SMG6: variants seen among roughly 807,000 people sequenced by gnomAD.
SMG6 encodes the protein telomerase-binding protein EST1A.
A neutral mutation model predicts 142.2 loss-of-function variants in SMG6; 66 were observed. The observed-to-expected ratio is 0.46, with a 90% confidence interval of 0.38 to 0.57. The LOEUF (loss-of-function observed/expected upper bound fraction) is 0.57. Among genes scored for constraint, SMG6 ranks in the 20% least tolerant of loss-of-function variants. The pLI is 0.00. For missense variants in SMG6, 1,793 were observed against 1,832.0 expected (o/e 0.98, Z 0.39); for synonymous variants, 779 against 702.4 (o/e 1.11, Z -1.72).
rs187514219 is a variant in SMG6, at chr17:2,258,142, G to A, written c.2662-13423C>T. ...TAGCACACTACTCTAAGCACTTTGC[G>A]TCTGTTAACATTACAACAATTCTGT... is the stretch of plus-strand genomic sequence containing the variant. On this transcript the variant is annotated intron_variant, in intron 8 of 18. Transcript: ENST00000263073. Among the ~76,000 whole-genome samples, 64 of 151,220 alleles carry A rather than the reference G, an allele frequency of 4.2e-4. No homozygotes were observed. In the East Asian group the frequency reaches 0.01, roughly 24 times the overall value.
intron 15 of SMG6, among the ~76,000 whole-genome samples, chr17:2,077,033 C>T (rs1417045230): frequency 2.6e-5 from 4 of 152,190 alleles, no homozygotes; most frequent in Admixed American, 6.5e-5. Context: ...GCTCCAGAAG[C>T]GGATGGATCC....
rs575925046 is a variant in SMG6 at position 2,243,065 on chromosome 17, G to A, written c.2723+1593C>T. On this transcript the variant is annotated intron_variant, in intron 9 of 18. Coordinates refer to ENST00000263073, the MANE Select transcript of SMG6 (RefSeq NM_017575.5). ...GTGGCAGTGGCAGGACGGGGGAGGTGGGAGGCAGGAGATGGGACCAGTGAT... is the reference window on the plus strand; with the variant it reads ...GTGGCAGTGGCAGGACGGGGGAGGTAGGAGGCAGGAGATGGGACCAGTGAT... Among the ~76,000 whole-genome samples, 18 of 152,290 alleles carry A rather than the reference G, an allele frequency of 1.2e-4. No individual in the cohort carries two copies. In the South Asian group the frequency reaches 3.5e-3, roughly 30 times the overall value.
intron 8 of SMG6, among the ~76,000 whole-genome samples, chr17:2,246,856 G>GA (rs1202371358): frequency 6.6e-6 from 1 of 152,228 alleles, no homozygotes; most frequent in Non-Finnish European, 1.5e-5. Flanking sequence ...TGAGGCAGGA[G>GA]AATCGCTTGA....
intron 13 of SMG6, among the ~76,000 whole-genome samples, chr17:2,093,606 T>C (rs1415656440): frequency 6.6e-6 from 1 of 151,888 alleles, no homozygotes; most frequent in Non-Finnish European, 1.5e-5. Flanking sequence ...AGAGGCAAGG[T>C]GGGAAGCATG....
chr17:2,294,817 A>G (rs1019387402), intron 4 of SMG6, among the ~76,000 whole-genome samples: 3 of 152,104 alleles, frequency 2.0e-5, no homozygotes, highest in African/African-American at 4.8e-5. Context: ...TTTTTTTTCA[A>G]TCTGCACTGA....
intron 15 of SMG6, among the ~76,000 whole-genome samples, chr17:2,078,583 G>A (rs889753280): frequency 6.6e-6 from 1 of 152,060 alleles, no homozygotes; most frequent in Non-Finnish European, 1.5e-5. Flanking sequence ...TGTTGGCCAG[G>A]CTGGTCTTGA....
At chr17:2,175,145 G>T (rs1053855532) in intron 12 of SMG6, among the ~76,000 whole-genome samples, 1 of 152,174 alleles carries the variant, frequency 6.6e-6, no homozygotes, top group Non-Finnish European at 1.5e-5. Flanking sequence ...CCCGCTGCCT[G>T]AGTCTGATCC....
At chr17:2,188,344 T>C (rs2072054316) in intron 11 of SMG6, 55 bp downstream of exon 11, 1 of 1,465,282 alleles carries the variant, frequency 6.8e-7, no homozygotes, top group African/African-American at 1.4e-5. Context: ...CTGTGAGGTC[T>C]GGACAAGGCC....
intron 13 of SMG6, among the ~76,000 whole-genome samples, chr17:2,171,889 T>C (rs1382993916): frequency 1.3e-5 from 2 of 152,026 alleles, no homozygotes; most frequent in Non-Finnish European, 2.9e-5. Flanking sequence ...AGTCACAGGG[T>C]ATTCCTGCCT....
At chr17:2,144,049 CTTTTTTTTT>C (rs57316349) in intron 13 of SMG6, among the ~76,000 whole-genome samples, 2 of 65,062 alleles carry the variant, frequency 3.1e-5, no homozygotes, top group Non-Finnish European at 5.5e-5. Flanking sequence ...ACCACGGCCG[CTTTTTTTTT>C]TTTTTTTTTT....
rs2151465775 is a variant in SMG6 at position 2,097,891 on chromosome 17, C to G, written c.3358-11990G>C. 2.6e-5 allele frequency among the ~76,000 whole-genome samples: 4 copies of G among 152,308 alleles called. No individual in the cohort carries two copies. The Middle Eastern group carries it at 0.014, about 518-fold the overall frequency. The stretch of plus-strand genomic sequence containing the variant: ...GAGCAGAGAGTAGACCATTCCCTCC[C>G]ATTTCTATCGGGGATACTCAATTTT... On this transcript the variant is annotated intron_variant, in intron 13 of 18. Coordinates refer to ENST00000263073, the MANE Select transcript of SMG6 (RefSeq NM_017575.5).
At chr17:2,067,756 C>G (rs1367832295) in intron 16 of SMG6, among the ~76,000 whole-genome samples, 2 of 152,138 alleles carry the variant, frequency 1.3e-5, no homozygotes, top group Non-Finnish European at 2.9e-5. Context: ...TTCCCACAAC[C>G]CCCCAGGGTT....
intron 9 of SMG6, chr17:2,237,641 G>C: frequency 1.2e-6 from 1 of 843,296 alleles, no homozygotes; most frequent in Non-Finnish European, 1.4e-6. Context: ...ACAGGAAGAG[G>C]CTGTAACGCA....
chr17:2,237,690 G>T, intron 9 of SMG6: 1 of 361,220 alleles, frequency 2.8e-6, no homozygotes, highest in Admixed American at 6.4e-5. Context: ...GGGCTCCTAA[G>T]GAGAGGTCAT....
chr17:2,179,117 G>T (rs530069890), intron 12 of SMG6, among the ~76,000 whole-genome samples: 2 of 152,310 alleles, frequency 1.3e-5, no homozygotes, highest in African/African-American at 4.8e-5. Flanking sequence ...CTTGGAGGAA[G>T]AGGAACCCCC....
intron 10 of SMG6, among the ~76,000 whole-genome samples, chr17:2,230,218 A>AAAG (rs2073438880): frequency 1.8e-5 from 1 of 55,604 alleles, no homozygotes; most frequent in African/African-American, 7.1e-5. Flanking sequence ...AAAAAAAAAA[A>AAAG]AAAGGAAAAG....
chr17:2,302,352 C>T (rs1477431938), intron 1 of SMG6, among the ~76,000 whole-genome samples: 1 of 152,130 alleles, frequency 6.6e-6, no homozygotes, highest in Middle Eastern at 3.2e-3. Flanking sequence ...ACCATCCTGG[C>T]CAACACGGAG....
chr17:2,227,529 C>A (rs976488496), intron 10 of SMG6, among the ~76,000 whole-genome samples: 1 of 152,010 alleles, frequency 6.6e-6, no homozygotes, highest in Non-Finnish European at 1.5e-5. Context: ...AAAGACAAAT[C>A]TAACATACGG....
chr17:2,076,391 A>G (rs1171801603), intron 15 of SMG6, among the ~76,000 whole-genome samples: 1 of 151,922 alleles, frequency 6.6e-6, no homozygotes, highest in Non-Finnish European at 1.5e-5. Flanking sequence ...CCTCTCCCCA[A>G]CTCCCAGGAC....
Sources: gnomAD v4.1 joint callset for allele counts (sites outside exome capture counted in the v4.1 genomes callset) on GRCh38, gnomAD v4.1.1 for gene constraint, MANE v1.5 for transcripts, NCBI Gene and HGNC (gene_info 2026-07-23, HGNC 2026-07-21) for gene names.